Variants in ABCG4 observed in about 807,000 individuals in gnomAD.
The protein encoded by ABCG4 is ATP-binding cassette sub-family G member 4.
In ABCG4, 35 loss-of-function variants were observed where a neutral mutation model predicts 64.6. That is an observed-to-expected ratio of 0.54 (90% CI 0.41 to 0.72). ABCG4 has a LOEUF of 0.72. Ranked by LOEUF, ABCG4 falls within the 30% of genes least tolerant of loss-of-function variation. The probability of loss-of-function intolerance (pLI) is 0.00; values close to 1 mark genes in which losing one functional copy is unlikely to be tolerated. For missense variants in ABCG4, 610 were observed against 846.3 expected, an observed-to-expected ratio of 0.72 and a Z score of 3.46; for synonymous variants, 326 against 348.2, an observed-to-expected ratio of 0.94 and a Z score of 0.71.
rs1468914769 is a variant in ABCG4, at chr11:119,156,318, T to C, written c.687-11T>C. On this transcript the variant is annotated splice_polypyrimidine_tract_variant and intron_variant, in intron 6 of 14. Transcript: ENST00000619701. This position sits in a 1 kb window ranked among gnomAD's most constrained non-coding sequence, Gnocchi z 5.5. ...CCTCACGTGGCCCCCTGGTGGCCTC[T>C]CTCTGGACAGTGGTCTGGATAGCGC... The C allele has an allele frequency of 1.2e-6, 2 of 1,614,210 alleles. No homozygotes were observed. The highest frequency in any genetic ancestry group is 2.2e-5 in the South Asian group (2 of 91,086).
At position 119,157,455 on chromosome 11, in the gene ABCG4, C is replaced by T. The variant is rs140239502; in HGVS notation, c.1068+441C>T. On this transcript the variant is annotated intron_variant, in intron 9 of 14. Transcript: ENST00000619701. ...TGTAGCTGGTACAGCAGGCGTCTGC[C>T]CAGTGCTAGTTCTCTTCCTTAAATG... Among the ~76,000 whole-genome samples, 94 of 152,336 alleles carry T rather than the reference C, an allele frequency of 6.2e-4. 1 individual carries two copies. The East Asian group carries it at 0.012, about 20-fold the overall frequency.
chr11:119,155,021 T>A lies in ABCG4; in HGVS notation c.686+106T>A. The A allele has an allele frequency of 6.8e-7, 1 of 1,460,674 alleles. No individual in the cohort carries two copies. The highest frequency in any genetic ancestry group is 9.2e-7 in the Non-Finnish European group (1 of 1,083,900). The allele number at this position is 1,460,674 out of a possible 1,614,324, so 90.5% of individuals were successfully genotyped here. A position where few individuals can be genotyped will look rare whatever the true frequency, so the allele number is the denominator to read the frequency against. ...TGATCCAGAGCCTCTGTTCACAGCCTCCTGGGGCCAAGATAAGGGCTTCTT... is the reference window on the plus strand; with the variant it reads ...TGATCCAGAGCCTCTGTTCACAGCCACCTGGGGCCAAGATAAGGGCTTCTT... On this transcript the variant is annotated intron_variant, in intron 6 of 14. Transcript: ENST00000619701. This position sits in a 1 kb window ranked among gnomAD's most constrained non-coding sequence, Gnocchi z 4.5.
In ABCG4 at chr11:119,154,469, T is replaced by C. The variant is rs1168506315; in HGVS notation, c.490-56T>C. The C allele has an allele frequency of 1.9e-6, 3 of 1,613,302 alleles. No homozygotes were observed. The African/African-American group carries it at 4.0e-5, about 22-fold the overall frequency. On this transcript the variant is annotated intron_variant, in intron 4 of 14. Coordinates refer to ENST00000619701, the MANE Select transcript of ABCG4 (RefSeq NM_022169.5). The surrounding 1 kb of genome is among the most constrained non-coding windows in gnomAD (Gnocchi z 7.0). ...CGCCACCTTCACCATTGGCGGAGGG[T>C]TCAAGGCAGAGCTCCCTCCCACACA...
At chr11:119,157,114 C>A in intron 9 of ABCG4, 100 bp downstream of exon 9, 1 of 1,469,676 alleles carries the variant, frequency 6.8e-7, no homozygotes, top group Admixed American at 2.3e-5. Flanking sequence ...AGAGGCATTG[C>A]AACCAATGGG....
At position 119,156,924 on chromosome 11, in the gene ABCG4, G is replaced by C; in HGVS notation, c.978G>C (p.Arg326Ser). ...GAGACCTGAACCCCATGTTGTTCAG[G>C]GCTGTGCAGAATGGGCTGTGCGCTA... The part of the protein sequence containing the change: ...EYGDLNPMLF[R>S]AVQNGLCAMA... The change falls in exon 9 of 15, where the codon AGG (arginine) becomes AGC (serine). Residue 326 changes from arginine (R) to serine (S), a missense_variant. Transcript: ENST00000619701. The surrounding 1 kb of genome is among the most constrained non-coding windows in gnomAD (Gnocchi z 5.5). 6.2e-7 allele frequency: 1 copy of C among 1,613,998 alleles called. No homozygotes were observed. The highest frequency in any genetic ancestry group is 2.2e-5 in the East Asian group (1 of 44,884).
rs751623830 is a variant in ABCG4 at position 119,154,236 on chromosome 11, C to T, written c.357-24C>T. ...GGTATTCTGAAAGGGCATTGACCCC[C>T]ATCCTCAACCCACATCCCTGCAGGG... On this transcript the variant is annotated intron_variant, in intron 3 of 14. Coordinates refer to ENST00000619701, the MANE Select transcript of ABCG4 (RefSeq NM_022169.5). This position sits in a 1 kb window ranked among gnomAD's most constrained non-coding sequence, Gnocchi z 7.0. 13 of 1,613,694 alleles carry T rather than the reference C, an allele frequency of 8.1e-6. No homozygotes were observed. The South Asian group carries it at 1.4e-4, about 18-fold the overall frequency.
chr11:119,160,289 C>A lies in ABCG4; in HGVS notation c.1500C>A (p.Thr500=). 6.2e-7 allele frequency: 1 copy of A among 1,613,944 alleles called. No individual in the cohort carries two copies. Among genetic ancestry groups the A allele is most frequent in the Non-Finnish European group, 8.5e-7 (1 of 1,179,918 alleles). Residue 500 remains threonine, a synonymous_variant, in exon 13 of 15, where the codon ACC becomes ACA. Coordinates refer to ENST00000619701, the MANE Select transcript of ABCG4 (RefSeq NM_022169.5). This position sits in a 1 kb window ranked among gnomAD's most constrained non-coding sequence, Gnocchi z 4.6. ...VYWMTGQPAE[T]SRFLLFSALA... The stretch of plus-strand genomic sequence containing the variant: ...GGATGACGGGCCAGCCCGCTGAGAC[C>A]AGCCGCTTCCTGCTCTTCTCAGCCC...
chr11:119,157,598 G>A (rs555580275), intron 9 of ABCG4, among the ~76,000 whole-genome samples: 38 of 152,344 alleles, frequency 2.5e-4, no homozygotes, highest in Middle Eastern at 3.4e-3. Flanking sequence ...ATACCTGGCC[G>A]GATACAGTGG....
chr11:119,150,169 T>G lies in ABCG4; in HGVS notation c.204T>G (p.Tyr68Ter). Residue 68 changes from tyrosine to a stop codon, truncating the protein, a stop_gained, in exon 2 of 15, where the codon TAT becomes TAG. Coordinates refer to ENST00000619701, the MANE Select transcript of ABCG4 (RefSeq NM_022169.5). LOFTEE classifies it high-confidence loss of function. The surrounding 1 kb of genome is among the most constrained non-coding windows in gnomAD (Gnocchi z 4.3). Reference protein sequence around the residue: ...AVDIEFVELSYSVREGPCWRK... With the variant: ...AVDIEFVELS ...ACATCGAGTTCGTGGAGCTGTCCTA[T>G]TCCGTGCGGGAGGGGCCCTGCTGGC... 6.2e-7 allele frequency: 1 copy of G among 1,614,058 alleles called. No individual in the cohort carries two copies. Among genetic ancestry groups the G allele is most frequent in the Non-Finnish European group, 8.5e-7 (1 of 1,179,978 alleles).
At chr11:119,159,150 T>C (rs1484945156) in intron 12 of ABCG4, among the ~76,000 whole-genome samples, 2 of 152,250 alleles carry the variant, frequency 1.3e-5, no homozygotes, top group African/African-American at 4.8e-5. Context: ...GTGGAACTTA[T>C]GTTTTAGTGA....
chr11:119,160,669 G>T lies in ABCG4; in HGVS notation c.1715+13G>T. 1 of 1,609,874 alleles carries T rather than the reference G, an allele frequency of 6.2e-7. No individual in the cohort carries two copies. The highest frequency in any genetic ancestry group is 2.2e-5 in the East Asian group (1 of 44,854). Reference sequence around the variant, plus strand: ...TCTCCTATGTCAGGTCAGTACCCCTGCCCTCCTCGTTGGCCTCTGCTCCTC... The same window carrying T: ...TCTCCTATGTCAGGTCAGTACCCCTTCCCTCCTCGTTGGCCTCTGCTCCTC... On this transcript the variant is annotated intron_variant, in intron 14 of 14. Coordinates refer to ENST00000619701, the MANE Select transcript of ABCG4 (RefSeq NM_022169.5). The surrounding 1 kb of genome is among the most constrained non-coding windows in gnomAD (Gnocchi z 4.6).
At chr11:119,153,624 C>G (rs1433470435) in intron 2 of ABCG4, 1 of 193,640 alleles carries the variant, frequency 5.2e-6, no homozygotes, top group Admixed American at 5.3e-5. Context: ...AGGAGAGGTG[C>G]TATGGAAACA....
rs1036373676 is a variant in ABCG4 at position 119,161,168 on chromosome 11, G to C, written c.*62G>C. 1.9e-5 allele frequency: 29 copies of C among 1,508,926 alleles called. No homozygotes were observed. Among genetic ancestry groups the C allele is most frequent in the Non-Finnish European group, 2.5e-5 (28 of 1,107,210 alleles). The allele number at this position is 1,508,926 out of a possible 1,614,324, so 93.5% of individuals were successfully genotyped here. A position where few individuals can be genotyped will look rare whatever the true frequency, so the allele number is the denominator to read the frequency against. On this transcript the variant is annotated 3_prime_UTR_variant, in exon 15 of 15. Transcript: ENST00000619701. ...GGAAGCCCCCAGTCCCAGCCCTTTG[G>C]GACTGTTTTAACCTTATAGACTTGG...
rs1308206592 is a variant in ABCG4 at position 119,156,506 on chromosome 11, G to C, written c.810+54G>C. 1.9e-6 allele frequency: 3 copies of C among 1,613,884 alleles called. No homozygotes were observed. Among genetic ancestry groups the C allele is most frequent in the Non-Finnish European group, 2.5e-6 (3 of 1,179,930 alleles). On this transcript the variant is annotated intron_variant, in intron 7 of 14. Coordinates refer to ENST00000619701, the MANE Select transcript of ABCG4 (RefSeq NM_022169.5). This position sits in a 1 kb window ranked among gnomAD's most constrained non-coding sequence, Gnocchi z 5.5. ...TGGCCTGAGATGGAGGGATGGAAGG[G>C]GGTCAGTAGGGGTGCCTGGCCCGCT...
At position 119,155,067 on chromosome 11, in the gene ABCG4, A is replaced by G. The variant is rs1284086106; in HGVS notation, c.686+152A>G. 1.3e-5 allele frequency: 15 copies of G among 1,163,084 alleles called. No individual in the cohort carries two copies. In the East Asian group the frequency reaches 3.4e-4, roughly 26 times the overall value. The allele number at this position is 1,163,084 out of a possible 1,614,324, so 72.0% of individuals were successfully genotyped here. A position where few individuals can be genotyped will look rare whatever the true frequency, so the allele number is the denominator to read the frequency against. ...TTCTTCCTCATCTCCACCCTTGCCA[A>G]TTCTGTTGCTGTGAGCTGCCCCATC... On this transcript the variant is annotated intron_variant, in intron 6 of 14. Transcript: ENST00000619701. This position sits in a 1 kb window ranked among gnomAD's most constrained non-coding sequence, Gnocchi z 4.5.
At chr11:119,152,102 T>C (rs1029005017) in intron 2 of ABCG4, among the ~76,000 whole-genome samples, 1 of 152,194 alleles carries the variant, frequency 6.6e-6, no homozygotes, top group Non-Finnish European at 1.5e-5. Flanking sequence ...GATCACTTCC[T>C]GTGAGTGGCT....
Position 119,156,785 on chromosome 11 carries a change from G to A in ABCG4, c.926-87G>A. On this transcript the variant is annotated intron_variant, in intron 8 of 14. Transcript: ENST00000619701. The surrounding 1 kb of genome is among the most constrained non-coding windows in gnomAD (Gnocchi z 5.5). The stretch of plus-strand genomic sequence containing the variant: ...AGGGGTAGAGATCTCACCGTCGCCT[G>A]CCTTCCCCACACACCCAAGGCGGGA... 6.3e-7 allele frequency: 1 copy of A among 1,589,130 alleles called. No individual in the cohort carries two copies. Among genetic ancestry groups the A allele is most frequent in the Non-Finnish European group, 8.6e-7 (1 of 1,161,862 alleles).
intron 2 of ABCG4, 117 bp from the exon 3 acceptor site, chr11:119,153,909 C>T: frequency 1.2e-6 from 1 of 860,566 alleles, no homozygotes; most frequent in Non-Finnish European, 1.9e-6. Context: ...CATCCTAACC[C>T]AATCACACTG....
At chr11:119,157,090 A>G in intron 9 of ABCG4, 76 bp downstream of exon 9, 2 of 1,516,944 alleles carry the variant, frequency 1.3e-6, no homozygotes, top group Non-Finnish European at 1.8e-6. Context: ...GCCCTGCCAA[A>G]GAGGCTGTTC....
Sources: gnomAD v4.1 joint callset for allele counts (sites outside exome capture counted in the v4.1 genomes callset) on GRCh38, gnomAD v4.1.1 for gene constraint, Gnocchi (gnomAD v3.1) non-coding constraint, MANE v1.5 for transcripts, NCBI Gene and HGNC (gene_info 2026-07-23, HGNC 2026-07-21) for gene names.